STARD13: variants seen among roughly 807,000 people sequenced by gnomAD.
STARD13 encodes stAR-related lipid transfer protein 13.
STARD13 carries 62 observed loss-of-function variants against 106.4 expected under a neutral mutation model. The ratio of observed to expected loss-of-function variants is 0.58; its 90% CI spans 0.48 to 0.72. The LOEUF is 0.72. Among genes scored for constraint, STARD13 ranks in the 30% least tolerant of loss-of-function variants. The pLI, the probability that STARD13 is intolerant of heterozygous loss-of-function variation, is 0.00. For synonymous variants in STARD13, 565 were observed against 553.0 expected, an observed-to-expected ratio of 1.02 and a Z score of -0.31; for missense variants, 1,387 against 1,424.0, an observed-to-expected ratio of 0.97 and a Z score of 0.42.
intron 12 of STARD13, among the ~76,000 whole-genome samples, chr13:33,107,833 T>C (rs1325935816): frequency 6.6e-6 from 1 of 152,112 alleles, no homozygotes; most frequent in Admixed American, 6.5e-5. Flanking sequence ...CTAACTTCCC[T>C]TTCTACCCCA....
the STARD13 span, among the ~76,000 whole-genome samples, chr13:33,572,784 A>T: frequency 6.6e-6 from 1 of 152,204 alleles, no homozygotes; most frequent in African/African-American, 2.4e-5. Context: ...TTTAATCCAC[A>T]AGAATTAAGT....
chr13:33,552,210 A>T, the STARD13 span, among the ~76,000 whole-genome samples: 1 of 152,196 alleles, frequency 6.6e-6, no homozygotes, highest in South Asian at 2.1e-4. Flanking sequence ...CCCAATCTCG[A>T]TAATTGATGA....
At chr13:33,271,787 C>T (rs187460232) in intron 1 of STARD13, among the ~76,000 whole-genome samples, 1 of 151,744 alleles carries the variant, frequency 6.6e-6, no homozygotes. Context: ...GAAGGGAGAA[C>T]CAACCAGGTC....
the STARD13 span, among the ~76,000 whole-genome samples, chr13:33,521,063 C>T: frequency 2.0e-5 from 3 of 152,252 alleles, no homozygotes; most frequent in Admixed American, 6.5e-5. Flanking sequence ...CTCCAACCAA[C>T]GCACAGTCCT....
At chr13:33,416,451 G>A in the STARD13 span, among the ~76,000 whole-genome samples, 1 of 152,300 alleles carries the variant, frequency 6.6e-6, no homozygotes, top group East Asian at 1.9e-4. Context: ...AAGTATAGAA[G>A]AGCATAATGT....
the STARD13 span, among the ~76,000 whole-genome samples, chr13:33,393,809 C>T: frequency 6.6e-6 from 1 of 152,184 alleles, no homozygotes; most frequent in Admixed American, 6.5e-5. Context: ...ATTGGATACC[C>T]ACATTGTGCT....
the STARD13 span, among the ~76,000 whole-genome samples, chr13:33,404,773 C>CTTTTT: frequency 8.2e-6 from 1 of 122,248 alleles, no homozygotes; most frequent in Non-Finnish European, 1.7e-5. Context: ...ACCTCTGGGA[C>CTTTTT]TTTTTTTTTT....
the STARD13 span, among the ~76,000 whole-genome samples, chr13:33,571,868 G>A: frequency 2.0e-5 from 3 of 152,150 alleles, no homozygotes; most frequent in Non-Finnish European, 4.4e-5. Flanking sequence ...ACTTAAGAGT[G>A]TGTGGGCTTC....
At chr13:33,343,597 ACAAATCT>A (rs376434695) in intron 1 of STARD13, among the ~76,000 whole-genome samples, 2 of 118,506 alleles carry the variant, frequency 1.7e-5, no homozygotes, top group African/African-American at 3.2e-5. Flanking sequence ...AAAAAAAAAA[ACAAATCT>A]ACAAATCTAG....
the STARD13 span, among the ~76,000 whole-genome samples, chr13:33,561,058 A>G: frequency 6.6e-6 from 1 of 151,670 alleles, no homozygotes; most frequent in Admixed American, 6.5e-5. Context: ...AATGTGTAAG[A>G]ATCTTGTCTA....
the STARD13 span, among the ~76,000 whole-genome samples, chr13:33,583,761 A>G: frequency 6.6e-6 from 1 of 152,204 alleles, no homozygotes; most frequent in African/African-American, 2.4e-5. Flanking sequence ...ACCCAAACAG[A>G]AAGAATCTAT....
chr13:33,447,858 G>GAT, the STARD13 span, among the ~76,000 whole-genome samples: 114 of 151,938 alleles, frequency 7.5e-4, no homozygotes, highest in African/African-American at 1.8e-3. Context: ...AGAGAAATAA[G>GAT]ATATATATAT....
chr13:33,350,265 G>T, intron 1 of STARD13: 2 of 1,519,208 alleles, frequency 1.3e-6, no homozygotes, highest in Middle Eastern at 1.8e-4. Context: ...GCCCCCGTGG[G>T]TCGCGGCGTC....
chr13:33,527,146 A>G, the STARD13 span, among the ~76,000 whole-genome samples: 1 of 152,084 alleles, frequency 6.6e-6, no homozygotes. Flanking sequence ...ATATCTTTGT[A>G]TTGCAAAATA....
chr13:33,510,078 G>T, the STARD13 span, among the ~76,000 whole-genome samples: 1,018 of 152,260 alleles, frequency 6.7e-3, 7 homozygotes, highest in Non-Finnish European at 0.011. Context: ...TGCCCTTCTC[G>T]CCTTTTCCAA....
At chr13:33,535,062 A>G in the STARD13 span, among the ~76,000 whole-genome samples, 5 of 152,066 alleles carry the variant, frequency 3.3e-5, no homozygotes, top group Non-Finnish European at 5.9e-5. Flanking sequence ...TAAAAATACA[A>G]AAATTAGCCT....
intron 12 of STARD13, among the ~76,000 whole-genome samples, chr13:33,109,114 C>G (rs557323048): frequency 3.3e-5 from 5 of 152,146 alleles, no homozygotes; most frequent in Admixed American, 6.5e-5. Context: ...TCCTTTTACA[C>G]TGCTGATCTG....
At chr13:33,597,571 C>T in the STARD13 span, among the ~76,000 whole-genome samples, 7 of 151,866 alleles carry the variant, frequency 4.6e-5, no homozygotes, top group Non-Finnish European at 8.8e-5. Context: ...TGCAACCAGG[C>T]GCGGTGGCTC....
chr13:33,501,078 CTT>C, the STARD13 span, among the ~76,000 whole-genome samples: 452 of 94,050 alleles, frequency 4.8e-3, 2 homozygotes, highest in African/African-American at 0.022. Flanking sequence ...TCTCTCTCTC[CTT>C]TTTTTTTTTT....
Sources: allele counts gnomAD v4.1 joint callset (sites outside exome capture counted in the v4.1 genomes callset), GRCh38; gene constraint gnomAD v4.1.1; transcripts MANE v1.5; gene names NCBI Gene and HGNC (gene_info 2026-07-23, HGNC 2026-07-21).